The following SNTG2 variants were observed in gnomAD, a reference collection of about 807,000 sequenced individuals.
The protein encoded by SNTG2 is gamma-2-syntrophin.
Under a neutral mutation model 70.9 loss-of-function variants are expected in SNTG2, and 74 were observed. That is an observed-to-expected ratio of 1.04 (90% CI 0.86 to 1.27). The LOEUF is 1.27. Ranked by LOEUF, SNTG2 falls within the 50% of genes most tolerant of loss-of-function variation. The probability of loss-of-function intolerance (pLI) is 0.00; values close to 1 mark genes in which losing one functional copy is unlikely to be tolerated. For synonymous variants in SNTG2, 278 were observed against 273.8 expected (o/e 1.02, Z -0.15); for missense variants, 717 against 690.7 (o/e 1.04, Z -0.43).
At chr2:1,068,362 A>G (rs1284674993) in intron 1 of SNTG2, 1 of 152,228 alleles carries the variant, frequency 6.6e-6, no homozygotes, top group Non-Finnish European at 1.5e-5. Context: ...GACATTCAAT[A>G]GGTTGTAGAA....
intron 9 of SNTG2, among the ~76,000 whole-genome samples, chr2:1,233,590 T>A (rs987544069): frequency 3.3e-5 from 5 of 152,154 alleles, no homozygotes; most frequent in African/African-American, 1.2e-4. Context: ...GAAGAACGGC[T>A]TAAACAGACT....
chr2:964,582 G>A (rs913299986), intron 1 of SNTG2, among the ~76,000 whole-genome samples: 1 of 152,212 alleles, frequency 6.6e-6, no homozygotes, highest in Non-Finnish European at 1.5e-5. Flanking sequence ...AAGGGGCCCT[G>A]AGGGATGAGG....
chr2:1,213,159 A>G (rs7575324), intron 9 of SNTG2, among the ~76,000 whole-genome samples: 79,659 of 152,136 alleles, frequency 0.52, 22,955 homozygotes, highest in East Asian at 0.77. Flanking sequence ...TGTTTGCATT[A>G]TGGAATAATT....
chr2:1,281,883 G>A (rs372445764), intron 14 of SNTG2, among the ~76,000 whole-genome samples: 1 of 152,138 alleles, frequency 6.6e-6, no homozygotes, highest in Non-Finnish European at 1.5e-5. Context: ...GGCAGCATCA[G>A]CCACTGCACC....
At chr2:1,113,600 T>G (rs968578281) in intron 4 of SNTG2, among the ~76,000 whole-genome samples, 9 of 151,904 alleles carry the variant, frequency 5.9e-5, no homozygotes, top group Non-Finnish European at 1.3e-4. Context: ...CTTACAGTAC[T>G]TTGAGGAGGA....
chr2:1,082,614 G>A (rs893195015), intron 1 of SNTG2, among the ~76,000 whole-genome samples: 4 of 152,124 alleles, frequency 2.6e-5, no homozygotes, highest in Non-Finnish European at 4.4e-5. Context: ...CCTCTCCCCC[G>A]CCACGTGGCA....
At chr2:1,318,468 A>G (rs1335085169) in intron 16 of SNTG2, among the ~76,000 whole-genome samples, 2 of 152,250 alleles carry the variant, frequency 1.3e-5, no homozygotes, top group Non-Finnish European at 1.5e-5. Flanking sequence ...TTGGAAATTG[A>G]CAAAAGCAAA....
chr2:1,154,933 C>G (rs962626025), intron 6 of SNTG2, among the ~76,000 whole-genome samples: 4 of 135,596 alleles, frequency 2.9e-5, no homozygotes, highest in African/African-American at 8.4e-5. Context: ...CAAAAACATA[C>G]ACACCACACA....
chr2:1,196,554 G>A (rs931976997), intron 8 of SNTG2, among the ~76,000 whole-genome samples: 6 of 152,068 alleles, frequency 3.9e-5, no homozygotes, highest in Admixed American at 1.3e-4. Context: ...AACCCAAAAA[G>A]GTCTTCTTCA....
At chr2:1,043,542 G>GT (rs201942537) in intron 1 of SNTG2, among the ~76,000 whole-genome samples, 13 of 151,744 alleles carry the variant, frequency 8.6e-5, no homozygotes, top group East Asian at 3.9e-4. Flanking sequence ...GATTTTTATA[G>GT]TTTTTTTTAC....
At chr2:1,148,835 G>C (rs1192519281) in intron 6 of SNTG2, among the ~76,000 whole-genome samples, 12 of 21,364 alleles carry the variant, frequency 5.6e-4, no homozygotes, top group East Asian at 3.4e-3. Context: ...GGAGGGAAGG[G>C]AGGAGGCGCC....
At chr2:1,231,858 C>G (rs759206804) in intron 9 of SNTG2, among the ~76,000 whole-genome samples, 4 of 152,224 alleles carry the variant, frequency 2.6e-5, no homozygotes, top group Non-Finnish European at 5.9e-5. Flanking sequence ...AGTGCCAGGG[C>G]TGTTAGTGCT....
At chr2:1,064,479 A>G (rs1052713512) in intron 1 of SNTG2, among the ~76,000 whole-genome samples, 8 of 151,036 alleles carry the variant, frequency 5.3e-5, no homozygotes, top group African/African-American at 1.7e-4. Context: ...ATATATAAAA[A>G]TAAAGTACTA....
At chr2:1,123,199 A>G (rs954561119) in intron 4 of SNTG2, among the ~76,000 whole-genome samples, 4 of 152,208 alleles carry the variant, frequency 2.6e-5, no homozygotes, top group African/African-American at 9.7e-5. Context: ...CATTTTTCAC[A>G]GAAACAGAAA....
chr2:1,214,106 A>G (rs1425378374), intron 9 of SNTG2, among the ~76,000 whole-genome samples: 7 of 152,174 alleles, frequency 4.6e-5, no homozygotes, highest in Non-Finnish European at 7.4e-5. Context: ...CCATTGGCCA[A>G]TGTACCTGTG....
chr2:1,209,982 G>A (rs200584269), intron 9 of SNTG2, among the ~76,000 whole-genome samples: 1 of 151,954 alleles, frequency 6.6e-6, no homozygotes, highest in East Asian at 1.9e-4. Flanking sequence ...GTGTGGCCGT[G>A]GTGTGTGCGG....
chr2:1,236,150 G>A (rs1676642727), intron 9 of SNTG2, among the ~76,000 whole-genome samples: 1 of 152,178 alleles, frequency 6.6e-6, no homozygotes, highest in Non-Finnish European at 1.5e-5. Flanking sequence ...TGATGGCAAT[G>A]AACCCATTTT....
At position 1,236,950 on chromosome 2, in the gene SNTG2, C is replaced by CTTTTT. The variant is rs34225491; in HGVS notation, c.720-932_720-928dup. On this transcript the variant is annotated intron_variant, in intron 9 of 16. Transcript: ENST00000308624. ...TTAATATGCATTGTTTTCTTTTTTTCTTTTTTTTTTCAGATAGGGTCTCAC... is the reference window on the plus strand; with the variant it reads ...TTAATATGCATTGTTTTCTTTTTTTCTTTTTTTTTTTTTTTCAGATAGGGTCTCAC... Among the ~76,000 whole-genome samples the CTTTTT allele has an allele frequency of 2.7e-5, 4 of 148,118 alleles. No homozygotes were observed. In the South Asian group the frequency reaches 6.4e-4, roughly 24 times the overall value.
In SNTG2 at chr2:1,113,577, G is replaced by C. The variant is rs187176061; in HGVS notation, c.325+15167G>C. On this transcript the variant is annotated intron_variant, in intron 4 of 16. Transcript: ENST00000308624. ...CTTTGAGGAGGATCGTGTGTACTAA[G>C]TGAGGTTTAACCCTTACAGTACTTT... Among the ~76,000 whole-genome samples, 7 of 150,456 alleles carry C rather than the reference G, an allele frequency of 4.7e-5. No homozygotes were observed. In the East Asian group the frequency reaches 1.4e-3, roughly 30 times the overall value.
Sources: gnomAD v4.1 joint callset for allele counts (sites outside exome capture counted in the v4.1 genomes callset) on GRCh38, gnomAD v4.1.1 for gene constraint, MANE v1.5 for transcripts, NCBI Gene and HGNC (gene_info 2026-07-23, HGNC 2026-07-21) for gene names.